The following GLIS1 variants were observed in gnomAD, a reference collection of about 807,000 sequenced individuals.
GLIS1 encodes GLIS family zinc finger 1.
A neutral mutation model predicts 63.8 loss-of-function variants in GLIS1; 24 were observed. That is an observed-to-expected ratio of 0.38 (90% CI 0.27 to 0.53). The LOEUF (loss-of-function observed/expected upper bound fraction) is 0.53. GLIS1 is among the 20% of genes least tolerant of loss of function. The pLI, the probability that GLIS1 is intolerant of heterozygous loss-of-function variation, is 0.85. For synonymous variants in GLIS1, 450 were observed against 482.5 expected (o/e 0.93, Z 0.88); for missense variants, 1,036 against 1,074.1 (o/e 0.96, Z 0.50).
At chr1:53,645,154 G>A (rs1026357571) in intron 2 of GLIS1, among the ~76,000 whole-genome samples, 12 of 152,128 alleles carry the variant, frequency 7.9e-5, no homozygotes, top group African/African-American at 2.9e-4. Flanking sequence ...TGATGTGTGC[G>A]CTCTGCCTAG....
chr1:53,611,543 T>C (rs888205745), intron 2 of GLIS1, among the ~76,000 whole-genome samples: 1 of 152,252 alleles, frequency 6.6e-6, no homozygotes, highest in Non-Finnish European at 1.5e-5. Context: ...TTTGGACAGA[T>C]GATATCTTCC....
At chr1:53,662,152 A>G (rs1350256167) in intron 2 of GLIS1, among the ~76,000 whole-genome samples, 2 of 152,226 alleles carry the variant, frequency 1.3e-5, no homozygotes, top group Admixed American at 1.3e-4. Context: ...GGAAGACCCC[A>G]GGCAAGTTGG....
chr1:53,698,963 GC>G (rs1646495370), intron 2 of GLIS1, among the ~76,000 whole-genome samples: 1 of 152,150 alleles, frequency 6.6e-6, no homozygotes, highest in Non-Finnish European at 1.5e-5. Context: ...CATAAAAGGA[GC>G]CACCCAAGAG....
rs567081178 is a variant in GLIS1, at chr1:53,705,592, A to G, written c.259+32214T>C. On this transcript the variant is annotated intron_variant, in intron 2 of 10. Transcript: ENST00000628545. ...AAGAAAATCCAATCTTGCTCTCATT[A>G]GTTCTCAGGTCACCTGCCACCAGGT... 4.6e-5 allele frequency among the ~76,000 whole-genome samples: 7 copies of G among 152,242 alleles called. No individual in the cohort carries two copies. In the East Asian group the frequency reaches 1.4e-3, roughly 29 times the overall value.
At chr1:53,690,412 G>A (rs1318422151) in intron 2 of GLIS1, among the ~76,000 whole-genome samples, 3 of 152,352 alleles carry the variant, frequency 2.0e-5, no homozygotes, top group East Asian at 3.9e-4. Flanking sequence ...GAGACATGGC[G>A]GGGGCTGCTT....
chr1:53,544,961 G>A (rs372918248), intron 4 of GLIS1, among the ~76,000 whole-genome samples: 3 of 152,260 alleles, frequency 2.0e-5, no homozygotes, highest in African/African-American at 7.2e-5. Context: ...GGACACCAAG[G>A]CAGCCCAGAG....
At chr1:53,685,358 C>T (rs1646323975) in intron 2 of GLIS1, among the ~76,000 whole-genome samples, 1 of 152,230 alleles carries the variant, frequency 6.6e-6, no homozygotes, top group Non-Finnish European at 1.5e-5. Context: ...CCCCAGAGCG[C>T]CGTGGTGTCT....
In GLIS1 at chr1:53,594,883, G is replaced by GATGTGC. The variant is rs774604834; in HGVS notation, c.539_544dup (p.Thr181_Ser182insCysThr). On this transcript the variant is annotated inframe_insertion, in exon 4 of 11. Transcript: ENST00000628545. Reference sequence around the variant, plus strand: ...CGGGCCCCGACAGTGGGCAGACAGGGATGTGCGGGCCTCTGCCATGGCTTG... The same window carrying GATGTGC: ...CGGGCCCCGACAGTGGGCAGACAGGGATGTGCATGTGCGGGCCTCTGCCATGGCTTG... 5.7e-5 allele frequency: 89 copies of GATGTGC among 1,561,602 alleles called. 1 individual carries two copies. In the South Asian group the frequency reaches 9.9e-4, roughly 17 times the overall value.
intron 2 of GLIS1, among the ~76,000 whole-genome samples, chr1:53,695,396 C>T (rs981056089): frequency 6.6e-6 from 1 of 151,732 alleles, no homozygotes; most frequent in African/African-American, 2.4e-5. Context: ...AGGGGAGTCA[C>T]TTCCAGGCTG....
intron 2 of GLIS1, among the ~76,000 whole-genome samples, chr1:53,704,996 T>G (rs1009052272): frequency 6.6e-6 from 1 of 152,110 alleles, no homozygotes; most frequent in East Asian, 1.9e-4. Context: ...GGAGGAGACA[T>G]GAAGAGGGAG....
Position 53,574,479 on chromosome 1 carries a change from C to A in GLIS1, c.1320+19629G>T, listed in dbSNP as rs182728675. On this transcript the variant is annotated intron_variant, in intron 4 of 10. Coordinates refer to ENST00000628545, the MANE Select transcript of GLIS1 (RefSeq NM_001367484.1). The surrounding 1 kb of genome is among the most constrained non-coding windows in gnomAD (Gnocchi z 4.2). The stretch of plus-strand genomic sequence containing the variant: ...CCTGGGAGATTACCTGTATACTAAT[C>A]CCCCTCTCAGGCTCTGCTCTGGGAC... 6.6e-6 allele frequency among the ~76,000 whole-genome samples: 1 copy of A among 152,228 alleles called. No individual in the cohort carries two copies. Among genetic ancestry groups the A allele is most frequent in the Non-Finnish European group, 1.5e-5 (1 of 68,042 alleles).
chr1:53,681,862 C>G (rs1384636786), intron 2 of GLIS1, among the ~76,000 whole-genome samples: 2 of 151,930 alleles, frequency 1.3e-5, no homozygotes, highest in African/African-American at 4.8e-5. Flanking sequence ...CCATCCTCTT[C>G]TTCTGTAGAG....
intron 2 of GLIS1, among the ~76,000 whole-genome samples, chr1:53,727,164 C>T (rs931023014): frequency 2.6e-5 from 4 of 152,214 alleles, no homozygotes; most frequent in African/African-American, 4.8e-5. Flanking sequence ...GCCATGTGGC[C>T]GCCTTTGGAT....
At chr1:53,678,047 A>C (rs1646233130) in intron 2 of GLIS1, among the ~76,000 whole-genome samples, 1 of 152,122 alleles carries the variant, frequency 6.6e-6, no homozygotes, top group Non-Finnish European at 1.5e-5. Context: ...ATTCCTCCAC[A>C]GTTCCCTGGC....
At chr1:53,717,115 T>A (rs1379916225) in intron 2 of GLIS1, among the ~76,000 whole-genome samples, 2 of 152,206 alleles carry the variant, frequency 1.3e-5, no homozygotes, top group Non-Finnish European at 2.9e-5. Flanking sequence ...CTTAACAGGA[T>A]CCGTCCTGAT....
intron 2 of GLIS1, among the ~76,000 whole-genome samples, chr1:53,607,958 C>CTTTT (rs377462740): frequency 1.6e-5 from 2 of 128,610 alleles, no homozygotes; most frequent in South Asian, 2.6e-4. Context: ...TGATGTCTCT[C>CTTTT]TTTTTTTTTT....
intron 2 of GLIS1, among the ~76,000 whole-genome samples, chr1:53,660,638 A>G (rs1306701767): frequency 2.0e-5 from 3 of 152,202 alleles, no homozygotes; most frequent in Non-Finnish European, 4.4e-5. Flanking sequence ...AGTCAGGGTC[A>G]GCCTGACTGG....
At chr1:53,665,934 T>C (rs1487007293) in intron 2 of GLIS1, among the ~76,000 whole-genome samples, 2 of 151,810 alleles carry the variant, frequency 1.3e-5, no homozygotes, top group Non-Finnish European at 1.5e-5. Flanking sequence ...CCAAGTGGAG[T>C]AGATTTAAAG....
chr1:53,509,397 T>G, intron 9 of GLIS1, 110 bp from the exon 10 acceptor site: 1 of 1,194,468 alleles, frequency 8.4e-7, no homozygotes, highest in Non-Finnish European at 1.2e-6. Context: ...GTCCAGGCAT[T>G]GTGGGTGTGA....
Sources: gnomAD v4.1 joint callset for allele counts (sites outside exome capture counted in the v4.1 genomes callset) on GRCh38, gnomAD v4.1.1 for gene constraint, Gnocchi (gnomAD v3.1) non-coding constraint, MANE v1.5 for transcripts, NCBI Gene and HGNC (gene_info 2026-07-23, HGNC 2026-07-21) for gene names.